The following DOCK10 variants were observed in gnomAD, a reference collection of about 807,000 sequenced individuals.
DOCK10 encodes the protein dedicator of cytokinesis protein 10.
In DOCK10, 145 loss-of-function variants were observed where a neutral mutation model predicts 280.1. The observed-to-expected ratio is 0.52, with a 90% confidence interval of 0.45 to 0.59. The LOEUF (loss-of-function observed/expected upper bound fraction) is 0.59, where lower values mean the gene tolerates loss of function less well. Ranked by LOEUF, DOCK10 falls within the 20% of genes least tolerant of loss-of-function variation. DOCK10 has a pLI of 0.00. For synonymous variants in DOCK10, 915 were observed against 942.2 expected (o/e 0.97, Z 0.53); for missense variants, 2,368 against 2,651.7 (o/e 0.89, Z 2.35).
chr2:224,818,721 G>C (rs1001632064), intron 29 of DOCK10, among the ~76,000 whole-genome samples: 17 of 152,262 alleles, frequency 1.1e-4, no homozygotes, highest in African/African-American at 3.8e-4. Context: ...TTCAAAGCCT[G>C]CTTCTGCAGC....
intron 3 of DOCK10, among the ~76,000 whole-genome samples, chr2:224,898,262 C>A (rs1191435236): frequency 1.3e-5 from 2 of 152,156 alleles, no homozygotes; most frequent in Non-Finnish European, 2.9e-5. Flanking sequence ...GCCTGGAGTT[C>A]TCTCAGTACC....
At position 224,770,336 on chromosome 2, in the gene DOCK10, C is replaced by T. The variant is rs550441284; in HGVS notation, c.6319G>A (p.Ala2107Thr). The T allele has an allele frequency of 3.8e-6, 6 of 1,598,884 alleles. No homozygotes were observed. In the Admixed American group the frequency reaches 8.8e-5, roughly 23 times the overall value. Residue 2107 changes from alanine (A) to threonine (T), a missense_variant, in exon 55 of 56, where the codon GCA (alanine) becomes ACA (threonine). Coordinates refer to ENST00000258390, the MANE Select transcript of DOCK10 (RefSeq NM_014689.3). The surrounding 1 kb of genome is among the most constrained non-coding windows in gnomAD (Gnocchi z 4.5). Reference protein sequence around the residue: ...LKEIFRQFADACGQALDVNER... With the variant: ...LKEIFRQFADTCGQALDVNER... ...TTCACGTCAAGGGCCTGCCCACATG[C>T]ATCTGCAAATTGCCTTTAGCGACAG... is the stretch of plus-strand genomic sequence containing the variant.
intron 39 of DOCK10, among the ~76,000 whole-genome samples, chr2:224,802,847 C>A (rs1693108065): frequency 6.6e-6 from 1 of 152,098 alleles, no homozygotes. Context: ...TCCTTTAGGC[C>A]TTTACCTAAA....
chr2:224,895,830 T>C (rs200877187), intron 4 of DOCK10, among the ~76,000 whole-genome samples: 12 of 135,828 alleles, frequency 8.8e-5, no homozygotes, highest in Admixed American at 8.0e-5. Context: ...TGTGTGTGTG[T>C]GCGTGTGTGT....
At chr2:224,879,433 A>G (rs1559639702) in intron 7 of DOCK10, among the ~76,000 whole-genome samples, 1 of 152,156 alleles carries the variant, frequency 6.6e-6, no homozygotes, top group Non-Finnish European at 1.5e-5. Flanking sequence ...ATCACAGCAC[A>G]ATTTCCTTCA....
At chr2:224,892,705 G>A (rs1699770138) in intron 4 of DOCK10, among the ~76,000 whole-genome samples, 1 of 152,220 alleles carries the variant, frequency 6.6e-6, no homozygotes, top group Admixed American at 6.5e-5. Context: ...AACAGTGCAG[G>A]AGGGAGGGCT....
intron 1 of DOCK10, among the ~76,000 whole-genome samples, chr2:225,025,718 G>A (rs536137052): frequency 5.0e-5 from 7 of 139,170 alleles, no homozygotes; most frequent in Non-Finnish European, 1.1e-4. Context: ...AATATTCAAA[G>A]CCCTTCAGTT....
At chr2:224,928,925 C>A (rs975402466) in intron 2 of DOCK10, among the ~76,000 whole-genome samples, 4 of 152,200 alleles carry the variant, frequency 2.6e-5, no homozygotes, top group Non-Finnish European at 4.4e-5. Flanking sequence ...GAATAAGATG[C>A]AAACGCCTTA....
intron 7 of DOCK10, among the ~76,000 whole-genome samples, chr2:224,881,083 A>G (rs371623099): frequency 6.6e-6 from 1 of 152,328 alleles, no homozygotes; most frequent in South Asian, 2.1e-4. Flanking sequence ...TCAGTAAGCA[A>G]ATAAGCAGAA....
intron 1 of DOCK10, chr2:224,982,295 C>A: frequency 8.1e-7 from 1 of 1,232,054 alleles, no homozygotes; most frequent in Non-Finnish European, 1.0e-6. Context: ...GCGTCGTCTA[C>A]AAATGTGTGG....
At chr2:224,934,896 A>G (rs1413078530) in intron 1 of DOCK10, among the ~76,000 whole-genome samples, 2 of 152,170 alleles carry the variant, frequency 1.3e-5, no homozygotes, top group African/African-American at 2.4e-5. Context: ...TAGCTGTTCT[A>G]AAGTCACTCT....
In DOCK10 at chr2:224,784,751, A is replaced by AT. The variant is rs1293775116; in HGVS notation, c.5655+2270dup. On this transcript the variant is annotated intron_variant, in intron 50 of 55. Transcript: ENST00000258390. The stretch of plus-strand genomic sequence containing the variant: ...TGAGAACTTACCACAGCCTGGAACA[A>AT]TCAAGACCAAAAGAAGAAAAGAGTA... 1.6e-5 allele frequency: 21 copies of AT among 1,289,862 alleles called. No individual in the cohort carries two copies. The East Asian group carries it at 1.2e-3, about 72-fold the overall frequency. 79.9% of individuals were successfully genotyped at this position (1,289,862 alleles called of 1,614,324 possible). A position where few individuals can be genotyped will look rare whatever the true frequency, so the allele number is the denominator to read the frequency against.
At chr2:224,967,326 C>T (rs963557552) in intron 1 of DOCK10, among the ~76,000 whole-genome samples, 2 of 152,142 alleles carry the variant, frequency 1.3e-5, no homozygotes. Flanking sequence ...GTGATCTGCC[C>T]ACCTCGGCCT....
rs1574938884 is a variant in DOCK10, at chr2:224,852,294, C to T, written c.2142+83G>A. On this transcript the variant is annotated intron_variant, in intron 18 of 55. Coordinates refer to ENST00000258390, the MANE Select transcript of DOCK10 (RefSeq NM_014689.3). ...ATTACTGCTCTTTCAACCACACTCACATAAAAAGCCCTGCAATGGTGGAAA... is the reference window on the plus strand; with the variant it reads ...ATTACTGCTCTTTCAACCACACTCATATAAAAAGCCCTGCAATGGTGGAAA... The T allele has an allele frequency of 4.8e-6, 5 of 1,042,320 alleles. No individual in the cohort carries two copies. In the East Asian group the frequency reaches 1.3e-4, roughly 27 times the overall value. The allele number at this position is 1,042,320 out of a possible 1,614,324, so 64.6% of individuals were successfully genotyped here. A position where few individuals can be genotyped will look rare whatever the true frequency, so the allele number is the denominator to read the frequency against.
At chr2:224,942,325 T>G (rs1703139347) in intron 1 of DOCK10, among the ~76,000 whole-genome samples, 1 of 152,234 alleles carries the variant, frequency 6.6e-6, no homozygotes, top group African/African-American at 2.4e-5. Context: ...GTTTCAAATC[T>G]CACATCTCCA....
At chr2:224,893,489 C>A (rs1212109114) in intron 4 of DOCK10, 4 of 233,050 alleles carry the variant, frequency 1.7e-5, no homozygotes, top group Non-Finnish European at 3.7e-5. Context: ...CTGTATTTTA[C>A]CCAGTGGATT....
intron 1 of DOCK10, among the ~76,000 whole-genome samples, chr2:225,035,546 A>ATATATATATATATATAT: frequency 8.2e-5 from 1 of 12,124 alleles, no homozygotes; most frequent in African/African-American, 3.2e-4. Context: ...TATATATTAT[A>ATATATATATATATATAT]TATATATATA....
chr2:224,795,971 A>T (rs1296832800), intron 44 of DOCK10, among the ~76,000 whole-genome samples: 2 of 152,156 alleles, frequency 1.3e-5, no homozygotes. Flanking sequence ...GAGCTGCTTA[A>T]CGATTCAAAC....
intron 3 of DOCK10, among the ~76,000 whole-genome samples, chr2:224,912,871 C>T (rs931559270): frequency 6.6e-6 from 1 of 151,802 alleles, no homozygotes. Context: ...ACTAAAAATA[C>T]AAAAGTTAGC....
Sources: allele counts gnomAD v4.1 joint callset (sites outside exome capture counted in the v4.1 genomes callset), GRCh38; gene constraint gnomAD v4.1.1; non-coding constraint Gnocchi (gnomAD v3.1); transcripts MANE v1.5; gene names NCBI Gene and HGNC (gene_info 2026-07-23, HGNC 2026-07-21).